MDGA2: variants seen among roughly 807,000 people sequenced by gnomAD.
The protein encoded by MDGA2 is MAM domain containing glycosylphosphatidylinositol anchor 2, also known as MAM domain-containing glycosylphosphatidylinositol anchor protein 2.
Under a neutral mutation model 117.8 loss-of-function variants are expected in MDGA2, and 40 were observed. That is an observed-to-expected ratio of 0.34 (90% CI 0.26 to 0.44). The LOEUF (loss-of-function observed/expected upper bound fraction) is 0.44. Among genes scored for constraint, MDGA2 ranks in the 20% least tolerant of loss-of-function variants. MDGA2 has a pLI of 1.00. For missense variants in MDGA2, 1,123 were observed against 1,250.6 expected (o/e 0.90, Z 1.54); for synonymous variants, 452 against 439.0 (o/e 1.03, Z -0.37).
In MDGA2 at chr14:47,144,120, T is replaced by A. The variant is rs537795023; in HGVS notation, c.750A>T (p.Gly250=). ...WRRGQEVLLQ[G]SDKGVEIYEP... is the part of the protein sequence containing the mutation. ...CATAAATCTCAACTCCTTTATCAGA[T>A]CCTTGCAGCAAGACCTCCTGGCCAC... The change falls in exon 4 of 17, where the codon GGA becomes GGT. Residue 250 remains glycine (G), a synonymous_variant. Transcript: ENST00000399232. The A allele has an allele frequency of 6.4e-7, 1 of 1,551,080 alleles. No homozygotes were observed. Among genetic ancestry groups the A allele is most frequent in the South Asian group, 1.2e-5 (1 of 83,980 alleles).
At chr14:46,918,760 CT>C (rs34958634) in intron 10 of MDGA2, among the ~76,000 whole-genome samples, 299 of 124,710 alleles carry the variant, frequency 2.4e-3, no homozygotes, top group South Asian at 2.0e-3. Flanking sequence ...TACAGTGTAT[CT>C]TTTTTTTTTT....
At chr14:47,324,745 C>T (rs1411061037) in intron 1 of MDGA2, among the ~76,000 whole-genome samples, 1 of 151,750 alleles carries the variant, frequency 6.6e-6, no homozygotes, top group Non-Finnish European at 1.5e-5. Context: ...TTTAAACATG[C>T]AAGAGGTTTT....
chr14:47,496,102 A>T (rs1289046727), intron 1 of MDGA2, among the ~76,000 whole-genome samples: 1 of 152,124 alleles, frequency 6.6e-6, no homozygotes, highest in Non-Finnish European at 1.5e-5. Flanking sequence ...ATATATTAAT[A>T]ATTATTTGCT....
At position 47,370,927 on chromosome 14, in the gene MDGA2, C is replaced by T. The variant is rs115480189; in HGVS notation, c.281-69377G>A. The stretch of plus-strand genomic sequence containing the variant: ...TGTCCTGAATGTACATTTTATGTCT[C>T]GAACCTTATTACAAATTCATCAAAA... On this transcript the variant is annotated intron_variant, in intron 1 of 16. Coordinates refer to ENST00000399232, the MANE Select transcript of MDGA2 (RefSeq NM_001113498.3). Among the ~76,000 whole-genome samples, 1,158 of 151,702 alleles carry T rather than the reference C, an allele frequency of 7.6e-3. 9 individuals are homozygous for T. The highest frequency in any genetic ancestry group is 0.026 in the African/African-American group (1,080 of 41,446).
intron 1 of MDGA2, among the ~76,000 whole-genome samples, chr14:47,436,370 T>A (rs1209661996): frequency 6.6e-6 from 1 of 152,164 alleles, no homozygotes; most frequent in Non-Finnish European, 1.5e-5. Flanking sequence ...AGTTTCATAA[T>A]GTTACATGTA....
intron 8 of MDGA2, among the ~76,000 whole-genome samples, chr14:47,018,303 G>A (rs1888156202): frequency 6.6e-6 from 1 of 152,028 alleles, no homozygotes; most frequent in Non-Finnish European, 1.5e-5. Flanking sequence ...TAGTGGCTTA[G>A]CACTAAGGAT....
intron 2 of MDGA2, among the ~76,000 whole-genome samples, chr14:47,236,290 CAAAAA>C (rs5808383): frequency 1.5e-5 from 1 of 67,250 alleles, no homozygotes; most frequent in Admixed American, 2.1e-4. Context: ...GACTCCGCCT[CAAAAA>C]AAAAAAAAAA....
chr14:47,479,901 T>A (rs1013036910), intron 1 of MDGA2, among the ~76,000 whole-genome samples: 1 of 152,104 alleles, frequency 6.6e-6, no homozygotes, highest in East Asian at 1.9e-4. Flanking sequence ...CAATACCTCT[T>A]AAGTCAATCA....
chr14:47,073,060 T>C (rs1395223449), intron 6 of MDGA2, among the ~76,000 whole-genome samples: 1 of 152,150 alleles, frequency 6.6e-6, no homozygotes, highest in African/African-American at 2.4e-5. Context: ...ACACTTATTA[T>C]TTCCAGATCT....
chr14:47,306,168 T>C (rs1364757314), intron 1 of MDGA2: 1 of 152,208 alleles, frequency 6.6e-6, no homozygotes, highest in Non-Finnish European at 1.5e-5. Flanking sequence ...GGAGGAGAGA[T>C]GCATTTTAGA....
At chr14:47,069,504 C>T (rs1020925810) in intron 6 of MDGA2, among the ~76,000 whole-genome samples, 11 of 152,028 alleles carry the variant, frequency 7.2e-5, no homozygotes, top group Non-Finnish European at 1.5e-4. Flanking sequence ...TTCTAACATT[C>T]GAAAATAAAT....
chr14:47,631,998 G>T (rs887922364), intron 1 of MDGA2, among the ~76,000 whole-genome samples: 1 of 151,620 alleles, frequency 6.6e-6, no homozygotes, highest in African/African-American at 2.4e-5. Flanking sequence ...CCAAGATGAA[G>T]GTTCTTCTTC....
chr14:47,381,367 C>G (rs960011943), intron 1 of MDGA2, among the ~76,000 whole-genome samples: 31 of 152,080 alleles, frequency 2.0e-4, no homozygotes, highest in African/African-American at 7.2e-4. Flanking sequence ...CCAGGGCAAT[C>G]AGACAGGAGA....
chr14:47,165,982 A>G (rs1324310028), intron 3 of MDGA2, among the ~76,000 whole-genome samples: 1 of 151,112 alleles, frequency 6.6e-6, no homozygotes, highest in Non-Finnish European at 1.5e-5. Flanking sequence ...ATACACCTAT[A>G]CACCCTTTTC....
At chr14:47,185,500 T>C (rs1308724685) in intron 3 of MDGA2, among the ~76,000 whole-genome samples, 1 of 151,512 alleles carries the variant, frequency 6.6e-6, no homozygotes, top group African/African-American at 2.4e-5. Flanking sequence ...ACTATAAACA[T>C]TTGTACACAG....
chr14:46,884,910 T>C lies in MDGA2; in HGVS notation c.2239-2689A>G, dbSNP rs1049162728. 6.6e-6 allele frequency among the ~76,000 whole-genome samples: 1 copy of C among 151,872 alleles called. No individual in the cohort carries two copies. Among genetic ancestry groups the C allele is most frequent in the Non-Finnish European group, 1.5e-5 (1 of 67,962 alleles). Reference sequence around the variant, plus strand: ...CACCTAGGCTGGAGTACAATGATGCTATCTCGGCTCACTGCAACCTCCGCC... The same window carrying C: ...CACCTAGGCTGGAGTACAATGATGCCATCTCGGCTCACTGCAACCTCCGCC... On this transcript the variant is annotated intron_variant, in intron 10 of 16. Transcript: ENST00000399232. This position sits in a 1 kb window ranked among gnomAD's most constrained non-coding sequence, Gnocchi z 4.1.
chr14:47,053,178 T>A (rs1019550022), intron 7 of MDGA2, among the ~76,000 whole-genome samples: 2 of 152,114 alleles, frequency 1.3e-5, no homozygotes, highest in Non-Finnish European at 2.9e-5. Flanking sequence ...TGATTTCCAT[T>A]GATCAGTCAT....
intron 1 of MDGA2, among the ~76,000 whole-genome samples, chr14:47,392,395 G>GTTTGACCCACATAAAAAT (rs1891916368): frequency 6.6e-6 from 1 of 151,960 alleles, no homozygotes; most frequent in Non-Finnish European, 1.5e-5. Context: ...ACATAAAAAT[G>GTTTGACCCACATAAAAAT]TTTGACCCAC....
intron 4 of MDGA2, among the ~76,000 whole-genome samples, chr14:47,142,605 A>G (rs1882770200): frequency 2.0e-5 from 3 of 152,222 alleles, no homozygotes; most frequent in Admixed American, 2.0e-4. Flanking sequence ...TTAAAAATAA[A>G]TTGACAATAG....
Sources: allele counts gnomAD v4.1 joint callset (sites outside exome capture counted in the v4.1 genomes callset), GRCh38; gene constraint gnomAD v4.1.1; non-coding constraint Gnocchi (gnomAD v3.1); transcripts MANE v1.5; gene names NCBI Gene and HGNC (gene_info 2026-07-23, HGNC 2026-07-21).